The following KCNQ3 variants were observed in gnomAD, a reference collection of about 807,000 sequenced individuals.
KCNQ3 encodes the protein potassium voltage-gated channel subfamily KQT member 3.
Under a neutral mutation model 92.5 loss-of-function variants are expected in KCNQ3, and 30 were observed. That is an observed-to-expected ratio of 0.32 (90% CI 0.24 to 0.44). KCNQ3 has a LOEUF of 0.44. KCNQ3 is among the 20% of genes least tolerant of loss of function. The probability of loss-of-function intolerance (pLI) is 1.00; values close to 1 mark genes in which losing one functional copy is unlikely to be tolerated. For missense variants in KCNQ3, 913 were observed against 1,140.3 expected (o/e 0.80, Z 2.87); for synonymous variants, 450 against 468.8 (o/e 0.96, Z 0.52).
intron 1 of KCNQ3, among the ~76,000 whole-genome samples, chr8:132,427,885 C>T (rs1405448454): frequency 9.9e-5 from 15 of 152,166 alleles, no homozygotes. Flanking sequence ...GGCCTTTAAT[C>T]GCTTTAAAGA....
chr8:132,186,870 ATTT>A (rs1196456402), intron 1 of KCNQ3, among the ~76,000 whole-genome samples: 2 of 148,988 alleles, frequency 1.3e-5, no homozygotes, highest in African/African-American at 5.0e-5. Flanking sequence ...ACTACAAACA[ATTT>A]TTTAAGATTG....
At chr8:132,448,077 A>C (rs183940967) in intron 1 of KCNQ3, among the ~76,000 whole-genome samples, 7 of 152,256 alleles carry the variant, frequency 4.6e-5, no homozygotes, top group Admixed American at 3.9e-4. Flanking sequence ...TGCTCAATAA[A>C]CGTTCCTTCC....
intron 1 of KCNQ3, among the ~76,000 whole-genome samples, chr8:132,428,825 G>C (rs1821174770): frequency 6.6e-6 from 1 of 152,084 alleles, no homozygotes; most frequent in African/African-American, 2.4e-5. Context: ...CCATTGTTTG[G>C]GGGAGGTTGA....
At chr8:132,201,952 C>T (rs1463415471) in intron 1 of KCNQ3, among the ~76,000 whole-genome samples, 1 of 152,206 alleles carries the variant, frequency 6.6e-6, no homozygotes, top group Non-Finnish European at 1.5e-5. Context: ...CCCCACAGCT[C>T]TTGCATTCTT....
intron 1 of KCNQ3, among the ~76,000 whole-genome samples, chr8:132,187,846 G>A (rs1486427665): frequency 2.5e-5 from 3 of 119,104 alleles, no homozygotes; most frequent in African/African-American, 4.0e-5. Context: ...GGTGGTGGTG[G>A]TGGTAGTGAT....
intron 1 of KCNQ3, among the ~76,000 whole-genome samples, chr8:132,465,923 A>C (rs779225041): frequency 6.6e-6 from 1 of 152,170 alleles, no homozygotes; most frequent in Non-Finnish European, 1.5e-5. Context: ...AAAATAAATA[A>C]ATACATGAAA....
chr8:132,142,602 A>C (rs1348121621), intron 9 of KCNQ3, among the ~76,000 whole-genome samples: 1 of 152,112 alleles, frequency 6.6e-6, no homozygotes, highest in Non-Finnish European at 1.5e-5. Flanking sequence ...CCAGTGGTAT[A>C]CTCAATGCAG....
intron 8 of KCNQ3, among the ~76,000 whole-genome samples, chr8:132,165,758 A>G (rs1265372961): frequency 2.0e-5 from 3 of 152,250 alleles, no homozygotes; most frequent in Non-Finnish European, 4.4e-5. Flanking sequence ...CCTGAGTTCC[A>G]ATCTTTGTTC....
intron 1 of KCNQ3, among the ~76,000 whole-genome samples, chr8:132,429,815 C>T (rs191187582): frequency 3.6e-4 from 53 of 146,616 alleles, no homozygotes; most frequent in Admixed American, 7.0e-4. Flanking sequence ...GAGCTGAGAT[C>T]GTACCACTGC....
Position 132,132,168 on chromosome 8 carries a change from GAA to G in KCNQ3, c.1884+10_1884+11del. On this transcript the variant is annotated intron_variant, in intron 14 of 14. Coordinates refer to ENST00000388996, the MANE Select transcript of KCNQ3 (RefSeq NM_004519.4). ...CAGATCCAGTTTTTGGTGAGAGGAA[GAA>G]AAGACTTACCTGTCTTTCAACTTTT... The G allele has an allele frequency of 6.4e-7, 1 of 1,557,164 alleles. No homozygotes were observed. The highest frequency in any genetic ancestry group is 8.9e-7 in the Non-Finnish European group (1 of 1,128,198).
At chr8:132,140,358 C>G in intron 10 of KCNQ3, 180 bp from the exon 11 acceptor site, 1 of 579,838 alleles carries the variant, frequency 1.7e-6, no homozygotes, top group Non-Finnish European at 3.1e-6. Flanking sequence ...TTCTTGGCAC[C>G]CTCATTCTAT....
At chr8:132,281,726 T>C (rs919284740) in intron 1 of KCNQ3, among the ~76,000 whole-genome samples, 1 of 144,606 alleles carries the variant, frequency 6.9e-6, no homozygotes, top group East Asian at 1.9e-4. Flanking sequence ...ACCACCACCA[T>C]GTTTACTGCA....
intron 1 of KCNQ3, among the ~76,000 whole-genome samples, chr8:132,352,916 G>T (rs1818915077): frequency 6.6e-6 from 1 of 152,142 alleles, no homozygotes; most frequent in Non-Finnish European, 1.5e-5. Context: ...CAGGAAGGCT[G>T]GTTTGGATTC....
intron 1 of KCNQ3, among the ~76,000 whole-genome samples, chr8:132,405,018 G>A (rs1820439998): frequency 6.6e-6 from 1 of 152,158 alleles, no homozygotes; most frequent in Non-Finnish European, 1.5e-5. Context: ...CACATCTGCA[G>A]GAATAGGAAG....
intron 1 of KCNQ3, among the ~76,000 whole-genome samples, chr8:132,254,249 A>G (rs1815506896): frequency 6.6e-6 from 1 of 152,206 alleles, no homozygotes; most frequent in Non-Finnish European, 1.5e-5. Flanking sequence ...TGTTCTCCCT[A>G]TAAACTGGTG....
Position 132,467,025 on chromosome 8 carries a change from T to C in KCNQ3, c.386+13122A>G, listed in dbSNP as rs576375605. On this transcript the variant is annotated intron_variant, in intron 1 of 14. Coordinates refer to ENST00000388996, the MANE Select transcript of KCNQ3 (RefSeq NM_004519.4). ...AGAATGCCAGCACTCATCCCCACAC[T>C]CTGTTGGCCACAGTCCAGTCCTCCG... Among the ~76,000 whole-genome samples, 110 of 152,284 alleles carry C rather than the reference T, an allele frequency of 7.2e-4. 1 individual carries two copies. Among genetic ancestry groups the C allele is most frequent in the African/African-American group, 2.5e-3 (105 of 41,554 alleles).
At chr8:132,420,936 A>AAAACAAT (rs1255695056) in intron 1 of KCNQ3, among the ~76,000 whole-genome samples, 1 of 152,218 alleles carries the variant, frequency 6.6e-6, no homozygotes, top group African/African-American at 2.4e-5. Context: ...CAAAAAACAA[A>AAAACAAT]AAAGTTGCTT....
rs140383266 is a variant in KCNQ3 at position 132,129,895 on chromosome 8, G to A, written c.1986C>T (p.Gly662=). Residue 662 remains glycine, a synonymous_variant, in exon 15 of 15, where the codon GGC becomes GGT. Coordinates refer to ENST00000388996, the MANE Select transcript of KCNQ3 (RefSeq NM_004519.4). This position sits in a 1 kb window ranked among gnomAD's most constrained non-coding sequence, Gnocchi z 5.9. ...TCTCTGCTTCAGCTGGCGAGGAGGT[G>A]CCCTTGGTTGGGTAATACTCCGTGA... ...VQVTEYYPTK[G]TSSPAEAEKK... The A allele has an allele frequency of 3.2e-5, 52 of 1,613,996 alleles. No homozygotes were observed. The highest frequency in any genetic ancestry group is 4.3e-5 in the Non-Finnish European group (51 of 1,180,038).
chr8:132,292,354 G>A (rs1043721813), intron 1 of KCNQ3, among the ~76,000 whole-genome samples: 11 of 152,182 alleles, frequency 7.2e-5, no homozygotes, highest in African/African-American at 2.7e-4. Context: ...TTAGGAGTAT[G>A]AGGTAAACAT....
Sources: gnomAD v4.1 joint callset for allele counts (sites outside exome capture counted in the v4.1 genomes callset) on GRCh38, gnomAD v4.1.1 for gene constraint, Gnocchi (gnomAD v3.1) non-coding constraint, MANE v1.5 for transcripts, NCBI Gene and HGNC (gene_info 2026-07-23, HGNC 2026-07-21) for gene names.